The following RHOBTB2 variants were observed in gnomAD, a reference collection of about 807,000 sequenced individuals.
RHOBTB2 encodes rho-related BTB domain-containing protein 2.
A neutral mutation model predicts 66.5 loss-of-function variants in RHOBTB2; 39 were observed. The observed-to-expected ratio is 0.59, with a 90% confidence interval of 0.45 to 0.77. The LOEUF (loss-of-function observed/expected upper bound fraction) is 0.77. Among genes scored for constraint, RHOBTB2 ranks in the 30% least tolerant of loss-of-function variants. The probability of loss-of-function intolerance (pLI) is 0.00; values close to 1 mark genes in which losing one functional copy is unlikely to be tolerated. For synonymous variants in RHOBTB2, 390 were observed against 395.0 expected (o/e 0.99, Z 0.15); for missense variants, 755 against 999.1 (o/e 0.76, Z 3.29).
chr8:22,964,571 A>G, the RHOBTB2 span, among the ~76,000 whole-genome samples: 2 of 152,084 alleles, frequency 1.3e-5, no homozygotes, highest in Non-Finnish European at 2.9e-5. Flanking sequence ...TGCCATCATG[A>G]TGCCATCTCT....
In RHOBTB2 at chr8:23,004,319, G is replaced by T; in HGVS notation, c.-10-106G>T. 1.1e-6 allele frequency: 1 copy of T among 941,242 alleles called. No homozygotes were observed. Among genetic ancestry groups the T allele is most frequent in the South Asian group, 1.4e-5 (1 of 69,958 alleles). The allele number at this position is 941,242 out of a possible 1,614,324, so 58.3% of individuals were successfully genotyped here. On this transcript the variant is annotated intron_variant, in intron 1 of 9. Coordinates refer to ENST00000251822, the MANE Select transcript of RHOBTB2 (RefSeq NM_015178.3). The surrounding 1 kb of genome is among the most constrained non-coding windows in gnomAD (Gnocchi z 6.4). ...CCTTCCTCCTCCTGTCAGCTCCGGG[G>T]CTTGCAGAGGGGGCAGCCTGGCTGA...
intron 2 of RHOBTB2, among the ~76,000 whole-genome samples, chr8:22,993,662 G>A (rs1050634601): frequency 2.6e-5 from 4 of 152,218 alleles, no homozygotes; most frequent in African/African-American, 9.7e-5. Flanking sequence ...TTGCTCCTCT[G>A]CGTTGGTTTC....
chr8:22,992,816 T>G (rs374583603), intron 2 of RHOBTB2, among the ~76,000 whole-genome samples: 1 of 152,240 alleles, frequency 6.6e-6, no homozygotes, highest in Non-Finnish European at 1.5e-5. Context: ...AATAAATGTT[T>G]CATGGAGGCC....
chr8:22,979,086 C>G, the RHOBTB2 span, among the ~76,000 whole-genome samples: 2 of 152,006 alleles, frequency 1.3e-5, no homozygotes, highest in South Asian at 2.1e-4. Context: ...TATCACTGAC[C>G]TTTGGGATGC....
chr8:23,007,464 T>G lies in RHOBTB2; in HGVS notation c.1219T>G (p.Tyr407Asp), dbSNP rs1390276463. Residue 407 changes from tyrosine (Y) to aspartate (D), a missense_variant, in exon 5 of 10, where the codon TAC (tyrosine) becomes GAC (aspartate). Physicochemically the swap from Tyr to Asp is radical, Grantham distance 160. Coordinates refer to ENST00000251822, the MANE Select transcript of RHOBTB2 (RefSeq NM_015178.3). The part of the protein sequence containing the change: ...QEEMAEDPLT[Y>D]KSRLMVVVKM... ...AGAGATGGCAGAAGATCCTCTCACC[T>G]ACAAATCCCGGCTGATGGTGGTGGT... 8 of 1,614,076 alleles carry G rather than the reference T, an allele frequency of 5.0e-6. No homozygotes were observed. Among genetic ancestry groups the G allele is most frequent in the Non-Finnish European group, 6.8e-6 (8 of 1,180,054 alleles).
the RHOBTB2 span, among the ~76,000 whole-genome samples, chr8:22,979,347 A>G: frequency 2.0e-5 from 3 of 151,858 alleles, no homozygotes; most frequent in Non-Finnish European, 2.9e-5. Context: ...AAATACATAC[A>G]GAAAAGAAAA....
At chr8:22,979,147 C>T in the RHOBTB2 span, among the ~76,000 whole-genome samples, 12 of 152,078 alleles carry the variant, frequency 7.9e-5, no homozygotes, top group Non-Finnish European at 1.5e-4. Context: ...AAAATCCACC[C>T]ATATTTGTTG....
At chr8:22,987,096 G>T (rs1226724687), upstream of RHOBTB2, among the ~76,000 whole-genome samples, 1 of 152,266 alleles carries the variant, frequency 6.6e-6, no homozygotes, top group Non-Finnish European at 1.5e-5. Flanking sequence ...AGGCTCTCAA[G>T]ATGTGCGTCA....
rs561057739 is a variant in RHOBTB2 at position 23,001,310 on chromosome 8, G to A, written c.-11+1205G>A. ...GTCTGGAGTCAGGGAAGAAGAGAGAGCCGGAGGGAGAGGGGAAGCTGAGAG... is the reference window on the plus strand; with the variant it reads ...GTCTGGAGTCAGGGAAGAAGAGAGAACCGGAGGGAGAGGGGAAGCTGAGAG... On this transcript the variant is annotated intron_variant, in intron 1 of 9. Transcript: ENST00000251822. Among the ~76,000 whole-genome samples the A allele has an allele frequency of 3.3e-5, 5 of 151,012 alleles. No individual in the cohort carries two copies. In the South Asian group the frequency reaches 1.0e-3, roughly 31 times the overall value.
chr8:22,999,537 C>T (rs1810692869), upstream of RHOBTB2: 3 of 1,142,732 alleles, frequency 2.6e-6, no homozygotes, highest in Non-Finnish European at 3.3e-6. Context: ...CAACTGCGCG[C>T]GGCAGTGGGC....
chr8:23,008,464 T>G (rs1169521328), intron 6 of RHOBTB2, among the ~76,000 whole-genome samples: 2 of 152,218 alleles, frequency 1.3e-5, no homozygotes, highest in African/African-American at 2.4e-5. Context: ...GGACTTGAAC[T>G]CAGGACTTCC....
upstream of RHOBTB2, among the ~76,000 whole-genome samples, chr8:22,995,221 C>T (rs1432360379): frequency 3.9e-5 from 6 of 152,174 alleles, no homozygotes; most frequent in Admixed American, 6.5e-5. Context: ...GCATAAGCCA[C>T]CACACCCGGC....
chr8:23,007,735 G>A lies in RHOBTB2; in HGVS notation c.1490G>A (p.Gly497Asp), dbSNP rs550141841. 5 of 1,613,532 alleles carry A rather than the reference G, an allele frequency of 3.1e-6. No individual in the cohort carries two copies. The South Asian group carries it at 3.3e-5, about 11-fold the overall frequency. Residue 497 changes from glycine to aspartate, a missense_variant, in exon 5 of 10, where the codon GGC becomes GAC. By Grantham distance (94) the Gly-to-Asp change is moderately conservative (BLOSUM62 -1). Around this residue, in one of 7 missense-constraint regions of RHOBTB2, gnomAD observed 353 missense variants for 458.2 expected, o/e 0.77. Transcript: ENST00000251822. ...TNRVKECLAKGTFSDVTFILD... is the reference protein window; with the variant it reads ...TNRVKECLAKDTFSDVTFILD... Reference sequence around the variant, plus strand: ...CGGGTTAAGGAGTGCTTGGCAAAAGGCACCTTCTCAGGTATGGAACAGGCT... The same window carrying A: ...CGGGTTAAGGAGTGCTTGGCAAAAGACACCTTCTCAGGTATGGAACAGGCT...
At chr8:22,959,664 G>T in the RHOBTB2 span, among the ~76,000 whole-genome samples, 2 of 151,970 alleles carry the variant, frequency 1.3e-5, no homozygotes, top group Admixed American at 1.3e-4. Context: ...CTAGTTATCC[G>T]CATACTTTTT....
chr8:22,988,200 C>T (rs1276475224), intron 1 of RHOBTB2, among the ~76,000 whole-genome samples: 1 of 148,930 alleles, frequency 6.7e-6, no homozygotes, highest in Admixed American at 6.7e-5. Context: ...CACTCTGTCA[C>T]CCAGGTTGGA....
chr8:22,988,519 C>T (rs1318301403), intron 1 of RHOBTB2, among the ~76,000 whole-genome samples: 5 of 152,170 alleles, frequency 3.3e-5, no homozygotes. Flanking sequence ...TTCATGGCTC[C>T]ACCCAACTCT....
At chr8:22,978,817 ATAAC>A in the RHOBTB2 span, among the ~76,000 whole-genome samples, 2 of 152,212 alleles carry the variant, frequency 1.3e-5, no homozygotes, top group Non-Finnish European at 2.9e-5. Context: ...TGCAAATAGA[ATAAC>A]TAAAAATAGT....
intron 7 of RHOBTB2, among the ~76,000 whole-genome samples, chr8:23,010,891 G>C (rs190256455): frequency 1.3e-5 from 2 of 152,298 alleles, no homozygotes; most frequent in Admixed American, 1.3e-4. Context: ...ATGTTTGATG[G>C]GGTCACCTGA....
upstream of RHOBTB2, among the ~76,000 whole-genome samples, chr8:22,983,336 TAAAAAA>T (rs532894152): frequency 1.2e-4 from 16 of 134,554 alleles, no homozygotes; most frequent in African/African-American, 3.6e-4. Context: ...ACCATTTAGT[TAAAAAA>T]AAAAAAAACA....
Sources: allele counts gnomAD v4.1 joint callset (sites outside exome capture counted in the v4.1 genomes callset), GRCh38; gene constraint gnomAD v4.1.1; regional missense constraint gnomAD v4.1.1; non-coding constraint Gnocchi (gnomAD v3.1); transcripts MANE v1.5; gene names NCBI Gene and HGNC (gene_info 2026-07-23, HGNC 2026-07-21).